The following GPALPP1 variants were observed in gnomAD, a reference collection of about 807,000 sequenced individuals.
GPALPP1 encodes GPALPP motifs-containing protein 1.
A neutral mutation model predicts 38.9 loss-of-function variants in GPALPP1; 30 were observed. The observed-to-expected ratio is 0.77, with a 90% CI of 0.58 to 1.05. The LOEUF (loss-of-function observed/expected upper bound fraction) is 1.05, where lower values mean the gene tolerates loss of function less well. GPALPP1 is among the 50% of genes least tolerant of loss of function. The probability of loss-of-function intolerance (pLI) is 0.00; values close to 1 mark genes in which losing one functional copy is unlikely to be tolerated. For synonymous variants in GPALPP1, 120 were observed against 139.2 expected (o/e 0.86, Z 0.97); for missense variants, 384 against 408.8 (o/e 0.94, Z 0.52).
chr13:45,017,629 A>G (rs1332155510), intron 6 of GPALPP1, among the ~76,000 whole-genome samples: 1 of 152,164 alleles, frequency 6.6e-6, no homozygotes, highest in African/African-American at 2.4e-5. Flanking sequence ...TTGGAGATGA[A>G]TAGATGTCTA....
chr13:45,006,109 C>T, intron 2 of GPALPP1, 93 bp from the exon 3 acceptor site: 2 of 672,286 alleles, frequency 3.0e-6, no homozygotes, highest in Non-Finnish European at 2.6e-6. Flanking sequence ...GTTTATACAA[C>T]TAGATTTAAT....
chr13:44,993,311 A>G (rs1872977574), intron 1 of GPALPP1, among the ~76,000 whole-genome samples: 2 of 152,152 alleles, frequency 1.3e-5, no homozygotes, highest in Admixed American at 6.6e-5. Context: ...ATACCCAGAA[A>G]TGGGATTGCT....
At chr13:45,014,489 CA>C (rs1052677193) in intron 4 of GPALPP1, among the ~76,000 whole-genome samples, 2 of 149,516 alleles carry the variant, frequency 1.3e-5, no homozygotes, top group Admixed American at 1.3e-4. Context: ...AAGTTTCCTC[CA>C]AAAAAAAAGA....
chr13:45,020,384 T>C lies in GPALPP1; in HGVS notation c.760T>C (p.Ser254Pro), dbSNP rs201980408. ...TAAGAAAGATGAAGAACATATATTA[T>C]CAGGAAGAGATAAGAGACTGGCTGA... ...SSKKDEEHIL[S>P]GRDKRLAEQV... is the part of the protein sequence containing the mutation. The change falls in exon 7 of 8, where the codon TCA becomes CCA. Residue 254 changes from serine (S) to proline (P), a missense_variant. Transcript: ENST00000379151. 18 of 1,546,764 alleles carry C rather than the reference T, an allele frequency of 1.2e-5. No homozygotes were observed. The African/African-American group carries it at 2.5e-4, about 21-fold the overall frequency.
downstream of GPALPP1, chr13:45,033,422 C>T (rs1276367067): frequency 2.0e-5 from 1 of 50,322 alleles, no homozygotes; most frequent in African/African-American, 4.2e-5. Context: ...GTTTCAAAAG[C>T]TCATGCTACT....
At chr13:44,997,542 T>A (rs1287861173) in intron 1 of GPALPP1, among the ~76,000 whole-genome samples, 1 of 152,000 alleles carries the variant, frequency 6.6e-6, no homozygotes, top group Non-Finnish European at 1.5e-5. Flanking sequence ...GAGTAGTGAG[T>A]CTACCCTACT....
At chr13:45,034,728 TTTTTTTTTTTTTTA>T (rs1566088524), downstream of GPALPP1, 1 of 129,096 alleles carries the variant, frequency 7.7e-6, no homozygotes, top group African/African-American at 3.1e-5. Context: ...TTTTATTTCT[TTTTTTTTTTTTTTA>T]TTTTTTTTTT....
intron 1 of GPALPP1, 187 bp downstream of exon 1, chr13:44,989,929 A>G (rs1872659632): frequency 5.0e-6 from 3 of 596,280 alleles, no homozygotes; most frequent in Non-Finnish European, 9.0e-6. Context: ...CCTCCTAGAA[A>G]CGAGCTTTGG....
intron 6 of GPALPP1, among the ~76,000 whole-genome samples, chr13:45,017,882 A>T (rs559886842): frequency 6.6e-6 from 1 of 152,330 alleles, no homozygotes; most frequent in South Asian, 2.1e-4. Flanking sequence ...AGTACCACAG[A>T]CATATATTTA....
At chr13:44,998,243 T>C (rs1463386255) in intron 1 of GPALPP1, among the ~76,000 whole-genome samples, 2 of 152,202 alleles carry the variant, frequency 1.3e-5, no homozygotes, top group African/African-American at 2.4e-5. Context: ...CCATTTTTAC[T>C]CTGACTCCCT....
chr13:45,004,887 C>T (rs1873964276), intron 2 of GPALPP1, among the ~76,000 whole-genome samples: 1 of 151,844 alleles, frequency 6.6e-6, no homozygotes, highest in South Asian at 2.1e-4. Context: ...AACTCCTGGA[C>T]TCAAGTGATC....
intron 7 of GPALPP1, among the ~76,000 whole-genome samples, chr13:45,022,539 T>C (rs1380167497): frequency 1.3e-5 from 2 of 152,156 alleles, no homozygotes; most frequent in Non-Finnish European, 2.9e-5. Flanking sequence ...ATTAGGGTTC[T>C]AATCTGAAGC....
At position 45,018,395 on chromosome 13, in the gene GPALPP1, T is replaced by TA. The variant is rs202066209; in HGVS notation, c.706-1919dup. 1.6e-3 allele frequency among the ~76,000 whole-genome samples: 200 copies of TA among 128,180 alleles called. 1 individual carries two copies. The highest frequency in any genetic ancestry group is 4.2e-3 in the South Asian group (17 of 4,042). 84.1% of individuals were successfully genotyped at this position (128,180 alleles called of 152,430 possible). ...CTGGGTAACAGAGCGAGACTCTGTC[T>TA]AAAAAAAAAAAAAAAAGATTGCTCT... On this transcript the variant is annotated intron_variant, in intron 6 of 7. Transcript: ENST00000379151.
At chr13:45,013,075 A>G (rs1470381516) in intron 4 of GPALPP1, among the ~76,000 whole-genome samples, 2 of 152,222 alleles carry the variant, frequency 1.3e-5, no homozygotes, top group African/African-American at 4.8e-5. Context: ...TTGGTGATGT[A>G]TGTTCTGTAT....
At chr13:44,990,053 A>G (rs1427229385) in intron 1 of GPALPP1, 3 of 507,474 alleles carry the variant, frequency 5.9e-6, no homozygotes, top group East Asian at 6.5e-5. Flanking sequence ...GAAAAAAACT[A>G]TTTTCCCATG....
At chr13:45,035,831 A>G (rs1279570979) in exon 8 of GPALPP1, 1 of 152,166 alleles carries the variant, frequency 6.6e-6, no homozygotes, top group Non-Finnish European at 1.5e-5. Flanking sequence ...ACTTTTAACA[A>G]TTATCCCAGG....
chr13:45,019,004 T>C lies in GPALPP1; in HGVS notation c.706-1326T>C, dbSNP rs1419414544. On this transcript the variant is annotated intron_variant, in intron 6 of 7. Coordinates refer to ENST00000379151, the MANE Select transcript of GPALPP1 (RefSeq NM_018559.5). Reference sequence around the variant, plus strand: ...ATATATACATATAAATATATATACATATAAATATATATACACATATAAATA... The same window carrying C: ...ATATATACATATAAATATATATACACATAAATATATATACACATATAAATA... Among the ~76,000 whole-genome samples, 2 of 69,684 alleles carry C rather than the reference T, an allele frequency of 2.9e-5. 1 individual carries two copies. Among genetic ancestry groups the C allele is most frequent in the South Asian group, 8.7e-4 (2 of 2,290 alleles). The allele number at this position is 69,684 out of a possible 152,430, so 45.7% of individuals were successfully genotyped here. A position where few individuals can be genotyped will look rare whatever the true frequency, so the allele number is the denominator to read the frequency against.
At chr13:45,024,870 G>A (rs766673720) in intron 7 of GPALPP1, among the ~76,000 whole-genome samples, 18 of 152,092 alleles carry the variant, frequency 1.2e-4, no homozygotes, top group African/African-American at 1.7e-4. Context: ...GCAGTGAGCC[G>A]AGACCCCGCC....
chr13:45,002,189 A>C (rs1873737134), intron 1 of GPALPP1: 1 of 152,392 alleles, frequency 6.6e-6, no homozygotes. Flanking sequence ...CCAGGTACTC[A>C]GGAAGCTGAG....
Sources: allele counts gnomAD v4.1 joint callset (sites outside exome capture counted in the v4.1 genomes callset), GRCh38; gene constraint gnomAD v4.1.1; transcripts MANE v1.5; gene names NCBI Gene and HGNC (gene_info 2026-07-23, HGNC 2026-07-21).